CBFA2T3: variants seen among roughly 807,000 people sequenced by gnomAD.
CBFA2T3 encodes the protein transcriptional corepressor CBFA2T3.
In CBFA2T3, 31 loss-of-function variants were observed where a neutral mutation model predicts 58.6. That is an observed-to-expected ratio of 0.53 (90% confidence interval 0.40 to 0.71). CBFA2T3 has a LOEUF of 0.71. Among genes scored for constraint, CBFA2T3 ranks in the 30% least tolerant of loss-of-function variants. The probability of loss-of-function intolerance (pLI) is 0.00; values close to 1 mark genes in which losing one functional copy is unlikely to be tolerated. For missense variants in CBFA2T3, 1,076 were observed against 963.1 expected (o/e 1.12, Z -1.55); for synonymous variants, 531 against 421.9 (o/e 1.26, Z -3.17).
At chr16:88,920,655 G>A (rs1052191220) in intron 1 of CBFA2T3, among the ~76,000 whole-genome samples, 1 of 152,196 alleles carries the variant, frequency 6.6e-6, no homozygotes, top group African/African-American at 2.4e-5. Flanking sequence ...AGTGGCAGGA[G>A]GCCCCACCAC....
At chr16:88,961,243 G>A (rs1036982124) in intron 1 of CBFA2T3, among the ~76,000 whole-genome samples, 2 of 152,154 alleles carry the variant, frequency 1.3e-5, no homozygotes, top group Non-Finnish European at 2.9e-5. Flanking sequence ...GACAGGGGGC[G>A]CACGGGGAGT....
At chr16:88,913,724 A>AC (rs1970600597) in intron 1 of CBFA2T3, among the ~76,000 whole-genome samples, 1 of 152,218 alleles carries the variant, frequency 6.6e-6, no homozygotes, top group Non-Finnish European at 1.5e-5. Context: ...ATCTACAAGG[A>AC]TGTTTGTCAC....
In CBFA2T3 at chr16:88,877,134, C is replaced by G; in HGVS notation, c.1804G>C (p.Val602Leu). 6.5e-7 allele frequency: 1 copy of G among 1,549,606 alleles called. No homozygotes were observed. Among genetic ancestry groups the G allele is most frequent in the Non-Finnish European group, 8.7e-7 (1 of 1,147,140 alleles). Residue 602 changes from valine (V) to leucine (L), a missense_variant, in exon 12 of 12, where the codon GTG becomes CTG. Physicochemically the swap from Val to Leu is conservative, Grantham distance 32 (BLOSUM62 1). Coordinates refer to ENST00000268679, the MANE Select transcript of CBFA2T3 (RefSeq NM_005187.6). Reference protein sequence around the residue: ...CGQSLQGPTAVVADPVPGPPE... With the variant: ...CGQSLQGPTALVADPVPGPPE... ...GGTCCAGGCACCGGGTCGGCCACCA[C>G]GGCTGTGGGGCCCTGCAGGCTCTGG... is the stretch of plus-strand genomic sequence containing the variant.
chr16:88,957,977 TGAGTTGTAAG>T (rs1241197771), intron 1 of CBFA2T3, among the ~76,000 whole-genome samples: 1 of 151,956 alleles, frequency 6.6e-6, no homozygotes, highest in East Asian at 1.9e-4. Context: ...TTGAGATGGG[TGAGTTGTAAG>T]ATGTGTGGGT....
intron 3 of CBFA2T3, 67 bp downstream of exon 3, chr16:88,898,011 T>C (rs1040758433): frequency 1.1e-5 from 13 of 1,177,698 alleles, no homozygotes; most frequent in South Asian, 3.6e-5. Context: ...GCAGCAGTGT[T>C]GGGCCAGCTG....
chr16:88,916,576 G>C (rs879870672), intron 1 of CBFA2T3, among the ~76,000 whole-genome samples: 11 of 128,994 alleles, frequency 8.5e-5, no homozygotes, highest in African/African-American at 2.6e-4. Flanking sequence ...CGGCCTGAGT[G>C]AAAGGTGGTC....
Position 88,976,922 on chromosome 16 carries a change from CG to C in CBFA2T3, c.-116del. Reference sequence around the variant, plus strand: ...AGAGGAGGGGCTGGGCCAGCTGGGGCGTCCTGGAGTTGGGCCTCTGTCCCTG... The same window carrying C: ...AGAGGAGGGGCTGGGCCAGCTGGGGCTCCTGGAGTTGGGCCTCTGTCCCTG... On this transcript the variant is annotated 5_prime_UTR_variant, in exon 1 of 12. It introduces an in-frame stop codon into an upstream open reading frame of the 5' UTR. Transcript: ENST00000268679. 1 of 1,325,304 alleles carries C rather than the reference CG, an allele frequency of 7.5e-7. No individual in the cohort carries two copies. Among genetic ancestry groups the C allele is most frequent in the Non-Finnish European group, 1.0e-6 (1 of 983,472 alleles). The allele number at this position is 1,325,304 out of a possible 1,614,324, so 82.1% of individuals were successfully genotyped here.
chr16:88,957,162 T>C (rs911103529), intron 1 of CBFA2T3, among the ~76,000 whole-genome samples: 17 of 152,100 alleles, frequency 1.1e-4, no homozygotes, highest in African/African-American at 3.6e-4. Flanking sequence ...TCACACGAGA[T>C]TGGTTGCTCA....
intron 1 of CBFA2T3, among the ~76,000 whole-genome samples, chr16:88,961,548 G>T (rs1972357728): frequency 7.2e-6 from 1 of 139,816 alleles, no homozygotes; most frequent in Non-Finnish European, 1.5e-5. Context: ...CTCAGCACTG[G>T]GCATTCCCAC....
intron 1 of CBFA2T3, among the ~76,000 whole-genome samples, chr16:88,970,148 G>A (rs184203002): frequency 6.6e-6 from 1 of 152,376 alleles, no homozygotes; most frequent in African/African-American, 2.4e-5. Context: ...CGGCTGCTCT[G>A]CAGCTGTCCT....
At chr16:88,946,360 G>T (rs1033193411) in intron 1 of CBFA2T3, among the ~76,000 whole-genome samples, 1 of 152,062 alleles carries the variant, frequency 6.6e-6, no homozygotes, top group African/African-American at 2.4e-5. Flanking sequence ...ATCTGAAAAG[G>T]CTATATACTG....
intron 1 of CBFA2T3, among the ~76,000 whole-genome samples, chr16:88,908,158 A>G (rs1352328830): frequency 6.6e-6 from 1 of 152,276 alleles, no homozygotes; most frequent in Middle Eastern, 3.4e-3. Context: ...CCTGGCCAAC[A>G]TGGTGAAACC....
chr16:88,922,169 G>C (rs1465333955), intron 1 of CBFA2T3, among the ~76,000 whole-genome samples: 1 of 152,248 alleles, frequency 6.6e-6, no homozygotes, highest in Admixed American at 6.5e-5. Flanking sequence ...CGGTCTAAGG[G>C]CATCTGAGGG....
At chr16:88,931,618 C>T (rs1327002076) in intron 1 of CBFA2T3, among the ~76,000 whole-genome samples, 2 of 147,794 alleles carry the variant, frequency 1.4e-5, no homozygotes, top group Non-Finnish European at 3.0e-5. Flanking sequence ...CGTGGGCCGG[C>T]CCCGTGGACG....
At chr16:88,883,212 T>G (rs1435569754) in intron 7 of CBFA2T3, 1 of 223,184 alleles carries the variant, frequency 4.5e-6, no homozygotes, top group African/African-American at 2.3e-5. Context: ...CACCATGACC[T>G]GGACCTGCCT....
intron 1 of CBFA2T3, among the ~76,000 whole-genome samples, chr16:88,920,666 G>A (rs946603217): frequency 2.6e-5 from 4 of 152,156 alleles, no homozygotes; most frequent in Non-Finnish European, 5.9e-5. Flanking sequence ...GCCCCACCAC[G>A]CAATGCCAAA....
At chr16:88,882,093 G>C (rs1355684383) in intron 8 of CBFA2T3, among the ~76,000 whole-genome samples, 2 of 152,224 alleles carry the variant, frequency 1.3e-5, no homozygotes, top group Admixed American at 1.3e-4. Flanking sequence ...CTCCTCCCTG[G>C]GCCTCTCGAG....
At chr16:88,904,283 C>T (rs956561737) in intron 1 of CBFA2T3, among the ~76,000 whole-genome samples, 2 of 152,182 alleles carry the variant, frequency 1.3e-5, no homozygotes, top group Non-Finnish European at 2.9e-5. Context: ...AGATCCTTCT[C>T]GGTGCTCTGC....
chr16:88,971,786 C>T (rs1023506105), intron 1 of CBFA2T3, among the ~76,000 whole-genome samples: 9 of 152,212 alleles, frequency 5.9e-5, no homozygotes, highest in African/African-American at 9.7e-5. Flanking sequence ...GAGCACTGGC[C>T]GGCGAGTCCT....
Sources: gnomAD v4.1 joint callset for allele counts (sites outside exome capture counted in the v4.1 genomes callset) on GRCh38, gnomAD v4.1.1 for gene constraint, MANE v1.5 for transcripts, NCBI Gene and HGNC (gene_info 2026-07-23, HGNC 2026-07-21) for gene names.